DCUN1D5: variants seen among roughly 807,000 people sequenced by gnomAD.
DCUN1D5 encodes defective in cullin neddylation 1 domain containing 5, also known as DCN1-like protein 5.
Under a neutral mutation model 38.3 loss-of-function variants are expected in DCUN1D5, and 10 were observed. That is an observed-to-expected ratio of 0.26 (90% confidence interval 0.16 to 0.44). The LOEUF is 0.44. Among genes scored for constraint, DCUN1D5 ranks in the 20% least tolerant of loss-of-function variants. The probability of loss-of-function intolerance (pLI) is 1.00; values close to 1 mark genes in which losing one functional copy is unlikely to be tolerated. For synonymous variants in DCUN1D5, 93 were observed against 90.9 expected (o/e 1.02, Z -0.13); for missense variants, 148 against 275.3 (o/e 0.54, Z 3.27).
In DCUN1D5 at chr11:103,077,430, T is replaced by C. The variant is rs1335688498; in HGVS notation, c.341+5318A>G. Among the ~76,000 whole-genome samples the C allele has an allele frequency of 1.3e-5, 2 of 152,230 alleles. No homozygotes were observed. Among genetic ancestry groups the C allele is most frequent in the African/African-American group, 4.8e-5 (2 of 41,466 alleles). On this transcript the variant is annotated intron_variant, in intron 4 of 7. Transcript: ENST00000260247. The surrounding 1 kb of genome is among the most constrained non-coding windows in gnomAD (Gnocchi z 4.3). Reference sequence around the variant, plus strand: ...AGAAATGCATACTTAACTAGCGTACTATGGAAAGCAAGAGATAGTTTTCCA... The same window carrying C: ...AGAAATGCATACTTAACTAGCGTACCATGGAAAGCAAGAGATAGTTTTCCA...
In DCUN1D5 at chr11:103,057,149, CTG is replaced by C. The variant is rs1324454019; in HGVS notation, c.*5208_*5209del. Among the ~76,000 whole-genome samples, 6 of 152,210 alleles carry C rather than the reference CTG, an allele frequency of 3.9e-5. No individual in the cohort carries two copies. The highest frequency in any genetic ancestry group is 1.9e-4 in the East Asian group (1 of 5,172). ...TTTCTACATTTGTAGATAAAAGTAACTGTGTATGAACTTGCTCTAAGCCATTT... is the reference window on the plus strand; with the variant it reads ...TTTCTACATTTGTAGATAAAAGTAACTGTATGAACTTGCTCTAAGCCATTT... On this transcript the variant is annotated 3_prime_UTR_variant, in exon 8 of 8. Coordinates refer to ENST00000260247, the MANE Select transcript of DCUN1D5 (RefSeq NM_032299.4). This position sits in a 1 kb window ranked among gnomAD's most constrained non-coding sequence, Gnocchi z 4.8.
rs1861800160 is a variant in DCUN1D5, at chr11:103,053,602, CAAATA to C, written c.*8752_*8756del. The stretch of plus-strand genomic sequence containing the variant: ...ATATCATACTATCACATGTACCCCC[CAAATA>C]AATACATTATGTATCAATGAATTTT... On this transcript the variant is annotated 3_prime_UTR_variant, in exon 8 of 8. Transcript: ENST00000260247. This position sits in a 1 kb window ranked among gnomAD's most constrained non-coding sequence, Gnocchi z 4.8. The C allele has an allele frequency of 6.6e-6, 1 of 151,252 alleles. No homozygotes were observed. Among genetic ancestry groups the C allele is most frequent in the Admixed American group, 6.6e-5 (1 of 15,172 alleles). 9.4% of individuals were successfully genotyped at this position (151,252 alleles called of 1,614,324 possible).
At position 103,062,287 on chromosome 11, in the gene DCUN1D5, T is replaced by C. The variant is rs1862031412; in HGVS notation, c.*72A>G. ...AATGAAAATGCACCCGTTGGATTTTTTTCCCCCTCATCACATTAGCTTGTA... is the reference window on the plus strand; with the variant it reads ...AATGAAAATGCACCCGTTGGATTTTCTTCCCCCTCATCACATTAGCTTGTA... On this transcript the variant is annotated 3_prime_UTR_variant, in exon 8 of 8. Transcript: ENST00000260247. The surrounding 1 kb of genome is among the most constrained non-coding windows in gnomAD (Gnocchi z 4.6). The C allele has an allele frequency of 2.1e-6, 3 of 1,439,374 alleles. No individual in the cohort carries two copies. The highest frequency in any genetic ancestry group is 1.8e-5 in the Admixed American group (1 of 55,212). The allele number at this position is 1,439,374 out of a possible 1,614,324, so 89.2% of individuals were successfully genotyped here. A position where few individuals can be genotyped will look rare whatever the true frequency, so the allele number is the denominator to read the frequency against.
In DCUN1D5 at chr11:103,064,519, G is replaced by T; in HGVS notation, c.556-142C>A. 2 of 630,080 alleles carry T rather than the reference G, an allele frequency of 3.2e-6. No individual in the cohort carries two copies. Among genetic ancestry groups the T allele is most frequent in the Non-Finnish European group, 5.1e-6 (2 of 388,770 alleles). The allele number at this position is 630,080 out of a possible 1,614,324, so 39.0% of individuals were successfully genotyped here. ...TTTTTTTAATTATTTGTGTTTCTAAGAGATTCCTCATGGGCATTTACATAT... is the reference window on the plus strand; with the variant it reads ...TTTTTTTAATTATTTGTGTTTCTAATAGATTCCTCATGGGCATTTACATAT... On this transcript the variant is annotated intron_variant, in intron 6 of 7. Coordinates refer to ENST00000260247, the MANE Select transcript of DCUN1D5 (RefSeq NM_032299.4). This position sits in a 1 kb window ranked among gnomAD's most constrained non-coding sequence, Gnocchi z 4.5.
chr11:103,074,783 CCA>C (rs1001058926), intron 4 of DCUN1D5, among the ~76,000 whole-genome samples: 2 of 152,142 alleles, frequency 1.3e-5, no homozygotes, highest in African/African-American at 2.4e-5. Flanking sequence ...TTTTCTGTAA[CCA>C]CAGAGTTGTC....
intron 4 of DCUN1D5, among the ~76,000 whole-genome samples, chr11:103,075,613 C>T (rs958099331): frequency 6.6e-6 from 1 of 152,174 alleles, no homozygotes; most frequent in African/African-American, 2.4e-5. Flanking sequence ...AACTCTTGAC[C>T]TCATGATCTG....
At position 103,090,632 on chromosome 11, in the gene DCUN1D5, G is replaced by T. The variant is rs1862834756; in HGVS notation, c.86+1155C>A. Reference sequence around the variant, plus strand: ...TTATTTTTTAAAAAAGCATTTCTCAGTCGGGCGAGGTGGCTCACTCCTGTA... The same window carrying T: ...TTATTTTTTAAAAAAGCATTTCTCATTCGGGCGAGGTGGCTCACTCCTGTA... On this transcript the variant is annotated intron_variant, in intron 1 of 7. Coordinates refer to ENST00000260247, the MANE Select transcript of DCUN1D5 (RefSeq NM_032299.4). Among the ~76,000 whole-genome samples the T allele has an allele frequency of 2.6e-5, 4 of 152,222 alleles. No homozygotes were observed. In the South Asian group the frequency reaches 8.3e-4, roughly 32 times the overall value.
In DCUN1D5 at chr11:103,057,616, A is replaced by C. The variant is rs942758603; in HGVS notation, c.*4743T>G. 1.3e-4 allele frequency among the ~76,000 whole-genome samples: 19 copies of C among 151,922 alleles called. No homozygotes were observed. Among genetic ancestry groups the C allele is most frequent in the Non-Finnish European group, 4.4e-5 (3 of 67,982 alleles). ...GCATCTGTAATCCCAGCTACTTGGG[A>C]GGTTGACGCACGAGAATCTCTTGAA... is the stretch of plus-strand genomic sequence containing the variant. On this transcript the variant is annotated 3_prime_UTR_variant, in exon 8 of 8. Coordinates refer to ENST00000260247, the MANE Select transcript of DCUN1D5 (RefSeq NM_032299.4). This position sits in a 1 kb window ranked among gnomAD's most constrained non-coding sequence, Gnocchi z 4.8.
chr11:103,080,841 T>C (rs1333957590), intron 4 of DCUN1D5, among the ~76,000 whole-genome samples: 5 of 152,050 alleles, frequency 3.3e-5, no homozygotes, highest in Non-Finnish European at 5.9e-5. Flanking sequence ...TGAAACCCTG[T>C]CTCTACTTAA....
At chr11:103,079,026 T>C (rs2510088) in intron 4 of DCUN1D5, among the ~76,000 whole-genome samples, 16,824 of 152,216 alleles carry the variant, frequency 0.11, 1,098 homozygotes, top group African/African-American at 0.17. Context: ...CCAGGCTGTA[T>C]AGCAGGAGGC....
intron 4 of DCUN1D5, among the ~76,000 whole-genome samples, chr11:103,072,311 G>A (rs901398388): frequency 2.6e-5 from 4 of 151,772 alleles, no homozygotes; most frequent in Non-Finnish European, 5.9e-5. Context: ...GTGGAAGACA[G>A]TGTGGTGATT....
Position 103,054,132 on chromosome 11 carries a change from G to C in DCUN1D5, c.*8227C>G, listed in dbSNP as rs537887125. ...CTCAAACTGACGTAAGCCAGATAGA[G>C]AGAACCTCCCAATTTCCACATCTAT... On this transcript the variant is annotated 3_prime_UTR_variant, in exon 8 of 8. Coordinates refer to ENST00000260247, the MANE Select transcript of DCUN1D5 (RefSeq NM_032299.4). 6.6e-6 allele frequency: 1 copy of C among 152,076 alleles called. No homozygotes were observed. The highest frequency in any genetic ancestry group is 1.5e-5 in the Non-Finnish European group (1 of 67,986). The allele number at this position is 152,076 out of a possible 1,614,324, so 9.4% of individuals were successfully genotyped here.
chr11:103,088,431 TAA>T (rs1314916792), intron 2 of DCUN1D5, among the ~76,000 whole-genome samples: 7 of 152,226 alleles, frequency 4.6e-5, no homozygotes, highest in African/African-American at 1.7e-4. Flanking sequence ...TGAGATAGTA[TAA>T]GTGTTCTTTT....
rs1278006834 is a variant in DCUN1D5 at position 103,065,206 on chromosome 11, T to C, written c.556-829A>G. Among the ~76,000 whole-genome samples, 1 of 151,722 alleles carries C rather than the reference T, an allele frequency of 6.6e-6. No homozygotes were observed. Among genetic ancestry groups the C allele is most frequent in the Non-Finnish European group, 1.5e-5 (1 of 67,870 alleles). On this transcript the variant is annotated intron_variant, in intron 6 of 7. Coordinates refer to ENST00000260247, the MANE Select transcript of DCUN1D5 (RefSeq NM_032299.4). This position sits in a 1 kb window ranked among gnomAD's most constrained non-coding sequence, Gnocchi z 4.6. Reference sequence around the variant, plus strand: ...TCGTTCTGTCACCCAGGCTGGAGTGTAGTGGTGCAATCTCAGCTTACTGCA... The same window carrying C: ...TCGTTCTGTCACCCAGGCTGGAGTGCAGTGGTGCAATCTCAGCTTACTGCA...
rs188804326 is a variant in DCUN1D5, at chr11:103,084,822, T to G, written c.179-1496A>C. ...CTGCACAACACAGGGAGACCCCATC[T>G]CTAGGGAAAAAAAAAATAGCCTTGT... On this transcript the variant is annotated intron_variant, in intron 2 of 7. Transcript: ENST00000260247. 6.6e-4 allele frequency among the ~76,000 whole-genome samples: 100 copies of G among 151,290 alleles called. 1 individual carries two copies. The East Asian group carries it at 0.012, about 18-fold the overall frequency.
rs577517527 is a variant in DCUN1D5 at position 103,087,405 on chromosome 11, C to T, written c.178+1822G>A. On this transcript the variant is annotated intron_variant, in intron 2 of 7. Coordinates refer to ENST00000260247, the MANE Select transcript of DCUN1D5 (RefSeq NM_032299.4). This position sits in a 1 kb window ranked among gnomAD's most constrained non-coding sequence, Gnocchi z 4.1. The stretch of plus-strand genomic sequence containing the variant: ...CAGGATGGTCTCGATCTCCTGACCT[C>T]GTGATCTGCCTACCTTGGCCTCCCA... Among the ~76,000 whole-genome samples the T allele has an allele frequency of 1.2e-3, 185 of 152,226 alleles. 1 individual carries two copies. Among genetic ancestry groups the T allele is most frequent in the Middle Eastern group, 3.4e-3 (1 of 294 alleles).
rs1313948827 is a variant in DCUN1D5 at position 103,092,109 on chromosome 11, A to T, written c.-237T>A. 2.1e-6 allele frequency: 1 copy of T among 487,590 alleles called. No homozygotes were observed. Among genetic ancestry groups the T allele is most frequent in the African/African-American group, 2.0e-5 (1 of 50,066 alleles). The allele number at this position is 487,590 out of a possible 1,614,324, so 30.2% of individuals were successfully genotyped here. ...CCGGTGGACACTGCGGTTCGTTCTCACCGGGAGGAGATAACGCGGACAGCG... is the reference window on the plus strand; with the variant it reads ...CCGGTGGACACTGCGGTTCGTTCTCTCCGGGAGGAGATAACGCGGACAGCG... On this transcript the variant is annotated 5_prime_UTR_variant, in exon 1 of 8. Transcript: ENST00000260247.
chr11:103,091,741 G>C lies in DCUN1D5; in HGVS notation c.86+46C>G. On this transcript the variant is annotated intron_variant, in intron 1 of 7. Transcript: ENST00000260247. This position sits in a 1 kb window ranked among gnomAD's most constrained non-coding sequence, Gnocchi z 4.3. ...CGACTCCTTTTCCTCCAGTTGTCCA[G>C]CAAAGGAGGGAGGAGGGAAGCTTGA... 1 of 1,613,408 alleles carries C rather than the reference G, an allele frequency of 6.2e-7. No individual in the cohort carries two copies. Among genetic ancestry groups the C allele is most frequent in the Non-Finnish European group, 8.5e-7 (1 of 1,179,554 alleles).
chr11:103,066,173 A>T lies in DCUN1D5; in HGVS notation c.555+96T>A. Reference sequence around the variant, plus strand: ...AGAATTTTTTCTCTAAAGTTTTTTTAAAGCATACTATTAAAAATCTACTTG... The same window carrying T: ...AGAATTTTTTCTCTAAAGTTTTTTTTAAGCATACTATTAAAAATCTACTTG... On this transcript the variant is annotated intron_variant, in intron 6 of 7. Transcript: ENST00000260247. This position sits in a 1 kb window ranked among gnomAD's most constrained non-coding sequence, Gnocchi z 4.7. 1 of 719,806 alleles carries T rather than the reference A, an allele frequency of 1.4e-6. No homozygotes were observed. Among genetic ancestry groups the T allele is most frequent in the Non-Finnish European group, 2.1e-6 (1 of 470,874 alleles). 44.6% of individuals were successfully genotyped at this position (719,806 alleles called of 1,614,324 possible). A position where few individuals can be genotyped will look rare whatever the true frequency, so the allele number is the denominator to read the frequency against.
Sources: gnomAD v4.1 joint callset for allele counts (sites outside exome capture counted in the v4.1 genomes callset) on GRCh38, gnomAD v4.1.1 for gene constraint, Gnocchi (gnomAD v3.1) non-coding constraint, MANE v1.5 for transcripts, NCBI Gene and HGNC (gene_info 2026-07-23, HGNC 2026-07-21) for gene names.